Variants in SIX2 observed in about 807,000 individuals in gnomAD.
SIX2 encodes the protein SIX homeobox 2, also known as homeobox protein SIX2.
In SIX2, 20 loss-of-function variants were observed where a neutral mutation model predicts 22.8. The observed-to-expected ratio is 0.88, with a 90% CI of 0.62 to 1.28. The LOEUF is 1.28. Ranked by LOEUF, SIX2 falls within the 50% of genes most tolerant of loss-of-function variation. The probability of loss-of-function intolerance (pLI) is 0.00; values close to 1 mark genes in which losing one functional copy is unlikely to be tolerated. For missense variants in SIX2, 360 were observed against 400.0 expected, an observed-to-expected ratio of 0.90 and a Z score of 0.85; for synonymous variants, 195 against 186.4, an observed-to-expected ratio of 1.05 and a Z score of -0.37.
chr2:45,005,397 T>TATGACGAG lies in SIX2; in HGVS notation c.*765_*772dup. On this transcript the variant is annotated 3_prime_UTR_variant, in exon 2 of 2. Transcript: ENST00000303077. ...CGCCAAGAGAGAAGGAGGAGGGGCG[T>TATGACGAG]ATGACGAGGCGGCGTTTAGGGGCTT... The TATGACGAG allele has an allele frequency of 6.7e-6, 1 of 150,122 alleles. No individual in the cohort carries two copies. The highest frequency in any genetic ancestry group is 2.5e-5 in the African/African-American group (1 of 40,534). The allele number at this position is 150,122 out of a possible 1,614,324, so 9.3% of individuals were successfully genotyped here. A position where few individuals can be genotyped will look rare whatever the true frequency, so the allele number is the denominator to read the frequency against.
Position 45,005,494 on chromosome 2 carries a change from C to T in SIX2, c.*676G>A, listed in dbSNP as rs566401400. 5 of 154,102 alleles carry T rather than the reference C, an allele frequency of 3.2e-5. No homozygotes were observed. In the East Asian group the frequency reaches 9.6e-4, roughly 30 times the overall value. The allele number at this position is 154,102 out of a possible 1,614,324, so 9.5% of individuals were successfully genotyped here. ...CTGACACCTGCAGCTCCCACTGACC[C>T]ACATGGGCGAGGGAAAAGGCCTCAG... On this transcript the variant is annotated 3_prime_UTR_variant, in exon 2 of 2. Coordinates refer to ENST00000303077, the MANE Select transcript of SIX2 (RefSeq NM_016932.5).
Position 45,006,601 on chromosome 2 carries a change from G to C in SIX2, c.561-116C>G. 9.9e-7 allele frequency: 1 copy of C among 1,006,462 alleles called. No homozygotes were observed. The highest frequency in any genetic ancestry group is 1.6e-6 in the Non-Finnish European group (1 of 644,524). 62.3% of individuals were successfully genotyped at this position (1,006,462 alleles called of 1,614,324 possible). A position where few individuals can be genotyped will look rare whatever the true frequency, so the allele number is the denominator to read the frequency against. On this transcript the variant is annotated intron_variant, in intron 1 of 1. Coordinates refer to ENST00000303077, the MANE Select transcript of SIX2 (RefSeq NM_016932.5). This position sits in a 1 kb window ranked among gnomAD's most constrained non-coding sequence, Gnocchi z 4.2. ...TCGGGAGACAGATCCCGGGCTTGTG[G>C]CCTGCGGGTGTTTTCGGTTTCTACC...
At position 45,009,426 on chromosome 2, in the gene SIX2, C is replaced by G. The variant is rs1572650575; in HGVS notation, c.-316G>C. 2.5e-5 allele frequency: 4 copies of G among 162,136 alleles called. No homozygotes were observed. Among genetic ancestry groups the G allele is most frequent in the Non-Finnish European group, 5.4e-5 (4 of 74,424 alleles). The allele number at this position is 162,136 out of a possible 1,614,324, so 10.0% of individuals were successfully genotyped here. A position where few individuals can be genotyped will look rare whatever the true frequency, so the allele number is the denominator to read the frequency against. On this transcript the variant is annotated 5_prime_UTR_variant, in exon 1 of 2. Coordinates refer to ENST00000303077, the MANE Select transcript of SIX2 (RefSeq NM_016932.5). ...CGCTCGCTTCTCACTCGTTCTCCCT[C>G]CCGTCTAGCTGGCTCTCAGCTTTCT...
chr2:45,009,127 C>CCGCCCGCCCG lies in SIX2; in HGVS notation c.-27_-18dup. The CCGCCCGCCCG allele has an allele frequency of 6.5e-7, 1 of 1,533,032 alleles. No homozygotes were observed. The highest frequency in any genetic ancestry group is 2.4e-5 in the East Asian group (1 of 41,100). The allele number at this position is 1,533,032 out of a possible 1,614,324, so 95.0% of individuals were successfully genotyped here. A position where few individuals can be genotyped will look rare whatever the true frequency, so the allele number is the denominator to read the frequency against. On this transcript the variant is annotated 5_prime_UTR_variant, in exon 1 of 2. Coordinates refer to ENST00000303077, the MANE Select transcript of SIX2 (RefSeq NM_016932.5). Reference sequence around the variant, plus strand: ...CATGGACATGGTGCCGGCTGCGTCCCCGCCCGCCCGCGCGCGCCCTCACCG... The same window carrying CCGCCCGCCCG: ...CATGGACATGGTGCCGGCTGCGTCCCCGCCCGCCCGCGCCCGCCCGCGCGCGCCCTCACCG...
rs1667758352 is a variant in SIX2 at position 45,006,310 on chromosome 2, G to T, written c.736C>A (p.Leu246Met). 2.5e-6 allele frequency: 4 copies of T among 1,613,986 alleles called. No individual in the cohort carries two copies. In the East Asian group the frequency reaches 8.9e-5, roughly 36 times the overall value. Residue 246 changes from leucine to methionine, a missense_variant, in exon 2 of 2, where the codon CTG (leucine) becomes ATG (methionine). Transcript: ENST00000303077. This position sits in a 1 kb window ranked among gnomAD's most constrained non-coding sequence, Gnocchi z 4.2. The part of the protein sequence containing the change: ...PPPGLPSLHS[L>M]GHPPGPSAVP... ...GCGCTGGGGCCCGGAGGGTGGCCCA[G>T]GCTGTGCAGGGACGGCAGCCCAGGG...
Position 45,006,633 on chromosome 2 carries a change from T to G in SIX2, c.561-148A>C. ...GGTGTTTTCGGTTTCTACCATTTCCTCGACCTGGTCTGGGTTCTCCTTTCT... is the reference window on the plus strand; with the variant it reads ...GGTGTTTTCGGTTTCTACCATTTCCGCGACCTGGTCTGGGTTCTCCTTTCT... On this transcript the variant is annotated intron_variant, in intron 1 of 1. Coordinates refer to ENST00000303077, the MANE Select transcript of SIX2 (RefSeq NM_016932.5). The surrounding 1 kb of genome is among the most constrained non-coding windows in gnomAD (Gnocchi z 4.2). The G allele has an allele frequency of 2.6e-6, 2 of 774,382 alleles. No homozygotes were observed. Among genetic ancestry groups the G allele is most frequent in the South Asian group, 1.4e-5 (1 of 70,270 alleles). The allele number at this position is 774,382 out of a possible 1,614,324, so 48.0% of individuals were successfully genotyped here.
rs765895845 is a variant in SIX2 at position 45,008,531 on chromosome 2, G to A, written c.560+20C>T. 5.6e-6 allele frequency: 9 copies of A among 1,611,538 alleles called. No individual in the cohort carries two copies. In the African/African-American group the frequency reaches 1.1e-4, roughly 19 times the overall value. ...TGGGCCCCGGGGAGCTGGCGCCGAA[G>A]AAGGTCTACTTACTCGTACCTTTCC... On this transcript the variant is annotated intron_variant, in intron 1 of 1. Transcript: ENST00000303077.
chr2:45,007,989 T>C (rs79941435), intron 1 of SIX2, among the ~76,000 whole-genome samples: 1,685 of 152,306 alleles, frequency 0.011, 30 homozygotes, highest in African/African-American at 0.038. Flanking sequence ...CTTTCACCTC[T>C]GGATCCTTTC....
intron 1 of SIX2, 130 bp downstream of exon 1, chr2:45,008,421 G>A: frequency 1.1e-6 from 1 of 949,584 alleles, no homozygotes; most frequent in African/African-American, 1.6e-5. Flanking sequence ...AAGTCAGGCC[G>A]GGCTGCCGCT....
In SIX2 at chr2:45,008,758, G is replaced by T; in HGVS notation, c.353C>A (p.Pro118Gln). Residue 118 changes from proline to glutamine, a missense_variant, in exon 1 of 2, where the codon CCG becomes CAG. Coordinates refer to ENST00000303077, the MANE Select transcript of SIX2 (RefSeq NM_016932.5). ...CTCCTCGCCGTCCCAGATGGAGCGC[G>T]GCAGCGGGAATTTGCGGCGCACGCG... ...KYRVRRKFPL[P>Q]RSIWDGEETS... 1 of 1,613,950 alleles carries T rather than the reference G, an allele frequency of 6.2e-7. No individual in the cohort carries two copies.
chr2:45,007,912 C>T lies in SIX2; in HGVS notation c.560+639G>A, dbSNP rs577014454. Among the ~76,000 whole-genome samples the T allele has an allele frequency of 5.9e-5, 9 of 152,260 alleles. No individual in the cohort carries two copies. The East Asian group carries it at 7.7e-4, about 13-fold the overall frequency. Reference sequence around the variant, plus strand: ...AAGGGCCTGGAGTGCCAGGGAAGGGCGGCTATCTCTAGCAAGGCAGAAAAC... The same window carrying T: ...AAGGGCCTGGAGTGCCAGGGAAGGGTGGCTATCTCTAGCAAGGCAGAAAAC... On this transcript the variant is annotated intron_variant, in intron 1 of 1. Coordinates refer to ENST00000303077, the MANE Select transcript of SIX2 (RefSeq NM_016932.5).
In SIX2 at chr2:45,009,080, G is replaced by A; in HGVS notation, c.31C>T (p.Gln11Ter). The A allele has an allele frequency of 6.3e-7, 1 of 1,593,582 alleles. No homozygotes were observed. Among genetic ancestry groups the A allele is most frequent in the Non-Finnish European group, 8.5e-7 (1 of 1,175,370 alleles). The change falls in exon 1 of 2, where the codon CAG (glutamine) becomes TAG (stop). Residue 11 changes from glutamine to a stop codon, truncating the protein, a stop_gained. Coordinates refer to ENST00000303077, the MANE Select transcript of SIX2 (RefSeq NM_016932.5). LOFTEE classifies it high-confidence loss of function. The part of the protein sequence containing the change: MSMLPTFGFT[Q>*]EQVACVCEVL... ...TCGCACACGCACGCCACTTGCTCCT[G>A]CGTGAAGCCGAAGGTGGGCAGCATG...
intron 1 of SIX2, 153 bp downstream of exon 1, chr2:45,008,398 C>G (rs71422122): frequency 3.8e-6 from 1 of 265,196 alleles, no homozygotes; most frequent in Non-Finnish European, 5.8e-6. Context: ...ATAGAAAGGC[C>G]TAAGCATCGT....
In SIX2 at chr2:45,008,016, C is replaced by T. The variant is rs3754641; in HGVS notation, c.560+535G>A. On this transcript the variant is annotated intron_variant, in intron 1 of 1. Coordinates refer to ENST00000303077, the MANE Select transcript of SIX2 (RefSeq NM_016932.5). ...GATCCTTTCTAAGGAGATAAAGGAC[C>T]CGCTCTCAACTCCATGTGACAACGA... is the stretch of plus-strand genomic sequence containing the variant. 9.7e-4 allele frequency among the ~76,000 whole-genome samples: 148 copies of T among 152,310 alleles called. 2 individuals carry two copies. The East Asian group carries it at 0.025, about 25-fold the overall frequency.
In SIX2 at chr2:45,009,195, G is replaced by C. The variant is rs1278270360; in HGVS notation, c.-85C>G. ...TGGGAGCTTCCTCGCCGGGCCGTCC[G>C]GGCCGAGACGCGGGCGGGGCTGGCC... On this transcript the variant is annotated 5_prime_UTR_variant, in exon 1 of 2. Coordinates refer to ENST00000303077, the MANE Select transcript of SIX2 (RefSeq NM_016932.5). 1.1e-4 allele frequency: 126 copies of C among 1,178,206 alleles called. No homozygotes were observed. The highest frequency in any genetic ancestry group is 1.3e-4 in the Non-Finnish European group (123 of 928,274). 73.0% of individuals were successfully genotyped at this position (1,178,206 alleles called of 1,614,324 possible).
At chr2:45,007,266 C>A (rs1667784819) in intron 1 of SIX2, among the ~76,000 whole-genome samples, 1 of 152,158 alleles carries the variant, frequency 6.6e-6, no homozygotes, top group African/African-American at 2.4e-5. Context: ...TCATCTGGGG[C>A]CTGGTCTGAG....
Position 45,006,220 on chromosome 2 carries a change from C to T in SIX2, c.826G>A (p.Asp276Asn), listed in dbSNP as rs201675842. The change falls in exon 2 of 2, where the codon GAC (aspartate) becomes AAC (asparagine). Residue 276 changes from aspartate (D) to asparagine (N), a missense_variant. Physicochemically the swap from Asp to Asn is conservative, Grantham distance 23. Coordinates refer to ENST00000303077, the MANE Select transcript of SIX2 (RefSeq NM_016932.5). The surrounding 1 kb of genome is among the most constrained non-coding windows in gnomAD (Gnocchi z 4.2). ...DPLQHHHGLQ[D>N]SILNPMSANL... ...GCTGACATGGGGTTGAGGATGGAGT[C>T]CTGCAGGCCATGGTGGTGTTGCAGT... 7 of 1,614,230 alleles carry T rather than the reference C, an allele frequency of 4.3e-6. No individual in the cohort carries two copies. The Admixed American group carries it at 1.0e-4, about 23-fold the overall frequency.
chr2:45,008,612 G>A lies in SIX2; in HGVS notation c.499C>T (p.Gln167Ter). Reference sequence around the variant, plus strand: ...CGGTTCTTGAACCAGTTGCTGACCTGTGTGGTGGTGAGGCCCGTGGCCTCC... The same window carrying A: ...CGGTTCTTGAACCAGTTGCTGACCTATGTGGTGGTGAGGCCCGTGGCCTCC... ...LAEATGLTTT[Q>*]VSNWFKNRRQ... is the part of the protein sequence containing the mutation. Residue 167 changes from glutamine to a stop codon, truncating the protein, a stop_gained, in exon 1 of 2, where the codon CAG (glutamine) becomes TAG (stop). Coordinates refer to ENST00000303077, the MANE Select transcript of SIX2 (RefSeq NM_016932.5). LOFTEE classifies it high-confidence loss of function. 6.2e-7 allele frequency: 1 copy of A among 1,614,072 alleles called. No homozygotes were observed. The highest frequency in any genetic ancestry group is 8.5e-7 in the Non-Finnish European group (1 of 1,179,972).
chr2:45,008,088 TCCAGCC>T (rs974983484), intron 1 of SIX2, among the ~76,000 whole-genome samples: 3 of 152,320 alleles, frequency 2.0e-5, no homozygotes, highest in Admixed American at 6.5e-5. Context: ...CTAGGGAAGT[TCCAGCC>T]CCAGTCCCGA....
Sources: allele counts gnomAD v4.1 joint callset (sites outside exome capture counted in the v4.1 genomes callset), GRCh38; gene constraint gnomAD v4.1.1; non-coding constraint Gnocchi (gnomAD v3.1); transcripts MANE v1.5; gene names NCBI Gene and HGNC (gene_info 2026-07-23, HGNC 2026-07-21).